Variants in IGF2BP2 observed in about 807,000 individuals in gnomAD.
IGF2BP2 encodes insulin like growth factor 2 mRNA binding protein 2.
Under a neutral mutation model 75.8 loss-of-function variants are expected in IGF2BP2, and 17 were observed. The observed-to-expected ratio is 0.22, with a 90% confidence interval of 0.15 to 0.34. The LOEUF (loss-of-function observed/expected upper bound fraction) is 0.34. IGF2BP2 is among the 10% of genes least tolerant of loss of function. The pLI, the probability that IGF2BP2 is intolerant of heterozygous loss-of-function variation, is 1.00. For missense variants in IGF2BP2, 516 were observed against 772.4 expected (o/e 0.67, Z 3.93); for synonymous variants, 288 against 295.6 (o/e 0.97, Z 0.26).
At chr3:185,691,161 C>T (rs531657105) in intron 5 of IGF2BP2, among the ~76,000 whole-genome samples, 3 of 152,220 alleles carry the variant, frequency 2.0e-5, no homozygotes, top group Middle Eastern at 3.4e-3. Flanking sequence ...TGCAATGGCG[C>T]GATCTCAGCT....
chr3:185,738,687 T>C (rs1560387662), intron 2 of IGF2BP2, among the ~76,000 whole-genome samples: 1 of 152,218 alleles, frequency 6.6e-6, no homozygotes, highest in Non-Finnish European at 1.5e-5. Flanking sequence ...TCATTTACAG[T>C]TGCATTTCTG....
intron 2 of IGF2BP2, among the ~76,000 whole-genome samples, chr3:185,719,790 C>T (rs964576934): frequency 6.6e-6 from 1 of 151,806 alleles, no homozygotes; most frequent in African/African-American, 2.4e-5. Flanking sequence ...GCCGAGATCA[C>T]GCCACTGCAC....
At chr3:185,749,951 C>A (rs6766484) in intron 2 of IGF2BP2, among the ~76,000 whole-genome samples, 4 of 152,284 alleles carry the variant, frequency 2.6e-5, no homozygotes, top group Admixed American at 2.0e-4. Flanking sequence ...TTATCACCCA[C>A]GCGGACTTAC....
chr3:185,820,896 T>A (rs544000877), intron 2 of IGF2BP2: 1 of 941,560 alleles, frequency 1.1e-6, no homozygotes. Context: ...CATATAGAAT[T>A]GACTTAACAC....
chr3:185,706,091 G>A (rs189684056), intron 2 of IGF2BP2, among the ~76,000 whole-genome samples: 12 of 152,322 alleles, frequency 7.9e-5, no homozygotes, highest in East Asian at 7.7e-4. Flanking sequence ...GAGTGGAGCC[G>A]GACGTCGTGG....
intron 2 of IGF2BP2, among the ~76,000 whole-genome samples, chr3:185,740,303 C>A (rs1165624174): frequency 6.6e-6 from 1 of 152,188 alleles, no homozygotes; most frequent in Non-Finnish European, 1.5e-5. Context: ...CTAAACCATT[C>A]ATTTACCATT....
rs772168286 is a variant in IGF2BP2 at position 185,672,652 on chromosome 3, G to A, written c.1089C>T (p.Ile363=). ...CAAGTGCGCTGAGGTTCAACCCTGGGATCAGATTGGCTTGTTGCTGGGAAT... is the reference window on the plus strand; with the variant it reads ...CAAGTGCGCTGAGGTTCAACCCTGGAATCAGATTGGCTTGTTGCTGGGAAT... ...MLAVNQQANL[I]PGLNLSALGI... Residue 363 remains isoleucine, a synonymous_variant, in exon 10 of 16, where the codon ATC becomes ATT. Transcript: ENST00000382199. 4 of 1,614,120 alleles carry A rather than the reference G, an allele frequency of 2.5e-6. No homozygotes were observed. In the South Asian group the frequency reaches 3.3e-5, roughly 13 times the overall value.
intron 2 of IGF2BP2, among the ~76,000 whole-genome samples, chr3:185,701,367 T>TAAAAAAAAAAAAAAAAAAAAAAAAA (rs558141080): frequency 8.5e-6 from 1 of 117,142 alleles, no homozygotes. Flanking sequence ...ACCTGCTAAG[T>TAAAAAAAAAAAAAAAAAAAAAAAAA]AAAAAAAAAA....
chr3:185,720,845 A>C (rs560816247), intron 2 of IGF2BP2, among the ~76,000 whole-genome samples: 6 of 152,352 alleles, frequency 3.9e-5, no homozygotes, highest in Non-Finnish European at 7.3e-5. Context: ...CATAATCAGT[A>C]AGAAATTCTG....
At chr3:185,738,172 T>C (rs570163580) in intron 2 of IGF2BP2, among the ~76,000 whole-genome samples, 2 of 152,356 alleles carry the variant, frequency 1.3e-5, no homozygotes, top group African/African-American at 4.8e-5. Flanking sequence ...TCACTTGCTA[T>C]CTATTTTGAT....
chr3:185,677,024 G>T lies in IGF2BP2; in HGVS notation c.813-1111C>A, dbSNP rs1345435755. ...TATGGAGAGATTATATATATGGAGA[G>T]AGATATATATATATATGGAGATATA... is the stretch of plus-strand genomic sequence containing the variant. On this transcript the variant is annotated intron_variant, in intron 7 of 15. Transcript: ENST00000382199. 6.2e-3 allele frequency among the ~76,000 whole-genome samples: 581 copies of T among 93,864 alleles called. 17 individuals are homozygous for T. The highest frequency in any genetic ancestry group is 0.024 in the African/African-American group (526 of 22,374). The allele number at this position is 93,864 out of a possible 152,430, so 61.6% of individuals were successfully genotyped here.
chr3:185,656,284 C>T (rs1412762843), intron 12 of IGF2BP2, among the ~76,000 whole-genome samples: 1 of 152,270 alleles, frequency 6.6e-6, no homozygotes, highest in African/African-American at 2.4e-5. Flanking sequence ...GCCCCCACAC[C>T]TCAGGGCTCT....
At chr3:185,822,371 A>C (rs1484515423) in intron 2 of IGF2BP2, among the ~76,000 whole-genome samples, 3 of 152,204 alleles carry the variant, frequency 2.0e-5, no homozygotes, top group East Asian at 1.9e-4. Flanking sequence ...TGAGTAATAA[A>C]GGGCCCAAAT....
chr3:185,713,439 A>G (rs765319382), intron 2 of IGF2BP2: 1 of 520,080 alleles, frequency 1.9e-6, no homozygotes, highest in Admixed American at 1.9e-5. Context: ...TGGCAACACC[A>G]CTAGATAACT....
At chr3:185,824,020 G>A (rs1454111359) in intron 1 of IGF2BP2, among the ~76,000 whole-genome samples, 2 of 152,138 alleles carry the variant, frequency 1.3e-5, no homozygotes, top group Admixed American at 6.5e-5. Flanking sequence ...GGAGGCGGGG[G>A]GACGGGCGGC....
intron 2 of IGF2BP2, among the ~76,000 whole-genome samples, chr3:185,775,197 A>G (rs971515217): frequency 2.0e-5 from 3 of 152,246 alleles, no homozygotes; most frequent in Admixed American, 6.5e-5. Context: ...CATGCAAAGC[A>G]TTTACAACAA....
chr3:185,648,694 C>A (rs946839384), intron 14 of IGF2BP2, among the ~76,000 whole-genome samples: 1 of 152,170 alleles, frequency 6.6e-6, no homozygotes, highest in African/African-American at 2.4e-5. Context: ...CTACAGACCA[C>A]CTGGCTCATT....
chr3:185,681,938 G>C (rs1720451497), intron 7 of IGF2BP2, among the ~76,000 whole-genome samples: 1 of 152,190 alleles, frequency 6.6e-6, no homozygotes, highest in Admixed American at 6.5e-5. Context: ...GACCTAAACA[G>C]ACCTAAAACT....
chr3:185,698,619 C>T (rs1222946944), intron 2 of IGF2BP2, among the ~76,000 whole-genome samples: 2 of 151,712 alleles, frequency 1.3e-5, no homozygotes, highest in Non-Finnish European at 2.9e-5. Context: ...ATTCTCCTGC[C>T]TCAGCCTCCC....
Sources: gnomAD v4.1 joint callset for allele counts (sites outside exome capture counted in the v4.1 genomes callset) on GRCh38, gnomAD v4.1.1 for gene constraint, MANE v1.5 for transcripts, NCBI Gene and HGNC (gene_info 2026-07-23, HGNC 2026-07-21) for gene names.